Variants in AGBL1 observed in about 807,000 individuals in gnomAD.
AGBL1 encodes the protein AGBL carboxypeptidase 1.
In AGBL1, 130 loss-of-function variants were observed where a neutral mutation model predicts 118.9. The observed-to-expected ratio is 1.09, with a 90% CI of 0.95 to 1.26. The LOEUF (loss-of-function observed/expected upper bound fraction) is 1.26. Among genes scored for constraint, AGBL1 ranks in the 50% most tolerant of loss-of-function variants. The pLI is 0.00. For missense variants in AGBL1, 1,584 were observed against 1,298.1 expected (o/e 1.22, Z -3.38); for synonymous variants, 555 against 478.9 (o/e 1.16, Z -2.08).
chr15:86,438,972 A>G (rs1196736878), intron 18 of AGBL1, among the ~76,000 whole-genome samples: 1 of 151,910 alleles, frequency 6.6e-6, no homozygotes, highest in African/African-American at 2.4e-5. Flanking sequence ...GATAGTCTGT[A>G]TTTTATCTGG....
At position 86,410,841 on chromosome 15, in the gene AGBL1, T is replaced by TATATATATATATATATAA. The variant is rs67883935; in HGVS notation, c.2555+13296_2555+13297insTATATATATATATATAAA. Among the ~76,000 whole-genome samples the TATATATATATATATATAA allele has an allele frequency of 8.5e-4, 55 of 64,496 alleles. 2 individuals are homozygous for TATATATATATATATATAA. Among genetic ancestry groups the TATATATATATATATATAA allele is most frequent in the African/African-American group, 3.5e-3 (53 of 14,996 alleles). 42.3% of individuals were successfully genotyped at this position (64,496 alleles called of 152,430 possible). A position where few individuals can be genotyped will look rare whatever the true frequency, so the allele number is the denominator to read the frequency against. On this transcript the variant is annotated intron_variant, in intron 18 of 22. Coordinates refer to ENST00000614907, the MANE Select transcript of AGBL1 (RefSeq NM_001386094.1). ...ATATATATATATATATATATATATA[T>TATATATATATATATATAA]AATATACTATTTTATATATAAAATA...
intron 5 of AGBL1, among the ~76,000 whole-genome samples, chr15:86,191,232 C>G (rs2141827999): frequency 6.6e-6 from 1 of 151,110 alleles, no homozygotes; most frequent in East Asian, 2.0e-4. Context: ...CCTGTAATCC[C>G]AGCTACTTGG....
At chr15:86,919,724 A>G (rs554112107), downstream of AGBL1, among the ~76,000 whole-genome samples, 226 of 152,318 alleles carry the variant, frequency 1.5e-3, no homozygotes, top group African/African-American at 5.1e-3. Context: ...GAGGAAGATT[A>G]TAAATAGAAG....
chr15:86,551,800 C>T (rs1183463782), intron 20 of AGBL1, among the ~76,000 whole-genome samples: 2 of 152,066 alleles, frequency 1.3e-5, no homozygotes, highest in East Asian at 3.9e-4. Flanking sequence ...TAGTATTATT[C>T]AGTGCTGAAA....
chr15:86,720,032 T>C (rs764321225), intron 22 of AGBL1, among the ~76,000 whole-genome samples: 1 of 152,216 alleles, frequency 6.6e-6, no homozygotes, highest in Non-Finnish European at 1.5e-5. Flanking sequence ...TTCCCAGACC[T>C]TTGCTTATTT....
At chr15:86,980,068 TAAA>T (rs1567270495) in intron 23 of AGBL1, among the ~76,000 whole-genome samples, 1 of 152,184 alleles carries the variant, frequency 6.6e-6, no homozygotes, top group Non-Finnish European at 1.5e-5. Flanking sequence ...AGGAGCTTCT[TAAA>T]AAGAAAAAAC....
intron 17 of AGBL1, among the ~76,000 whole-genome samples, chr15:86,339,279 T>C (rs1293085015): frequency 6.6e-5 from 10 of 151,434 alleles, no homozygotes; most frequent in Non-Finnish European, 1.5e-4. Context: ...CAAGAACTTT[T>C]TTCTTTATTT....
chr15:86,199,947 C>T (rs1043159085), intron 5 of AGBL1, among the ~76,000 whole-genome samples: 1 of 152,198 alleles, frequency 6.6e-6, no homozygotes, highest in Non-Finnish European at 1.5e-5. Context: ...GTGATTCTAA[C>T]ATGCCTGTGA....
At chr15:86,717,694 G>A (rs2086658307) in intron 22 of AGBL1, among the ~76,000 whole-genome samples, 1 of 129,310 alleles carries the variant, frequency 7.7e-6, no homozygotes, top group Admixed American at 7.4e-5. Flanking sequence ...TGGACTTCAG[G>A]GATCTTTGTT....
At chr15:86,320,722 C>CGTGTGT (rs3050863) in intron 17 of AGBL1, among the ~76,000 whole-genome samples, 6,634 of 148,134 alleles carry the variant, frequency 0.045, 263 homozygotes, top group East Asian at 0.21. Flanking sequence ...TGTGTGTGTG[C>CGTGTGT]GTGTGTGTGT....
At chr15:86,206,800 A>G (rs912404375) in intron 5 of AGBL1, among the ~76,000 whole-genome samples, 1 of 152,080 alleles carries the variant, frequency 6.6e-6, no homozygotes, top group Admixed American at 6.6e-5. Flanking sequence ...GCTGTGCAGA[A>G]GCTCTATAGT....
intron 22 of AGBL1, among the ~76,000 whole-genome samples, chr15:86,821,194 GA>G (rs1289080151): frequency 2.6e-5 from 4 of 152,072 alleles, no homozygotes; most frequent in Non-Finnish European, 5.9e-5. Context: ...GGGGTTGGGG[GA>G]GGGGATAGCA....
rs371923647 is a variant in AGBL1, at chr15:86,257,984, G to A, written c.922G>A (p.Asp308Asn). The change falls in exon 9 of 23, where the codon GAT (aspartate) becomes AAT (asparagine). Residue 308 changes from aspartate (D) to asparagine (N), a missense_variant. By Grantham distance (23) the Asp-to-Asn change is conservative. Coordinates refer to ENST00000614907, the MANE Select transcript of AGBL1 (RefSeq NM_001386094.1). ...LPEEDFEDDG[D>N]DEVDKDSDTE... ...TCCAGAGGATTTTGAAGATGATGGC[G>A]ATGATGAAGTGGACAAAGACTCTGA... is the stretch of plus-strand genomic sequence containing the variant. 67 of 1,613,508 alleles carry A rather than the reference G, an allele frequency of 4.2e-5. No homozygotes were observed. The Middle Eastern group carries it at 4.9e-4, about 12-fold the overall frequency.
chr15:86,904,472 A>T (rs1313419485), intron 22 of AGBL1, among the ~76,000 whole-genome samples: 1 of 150,670 alleles, frequency 6.6e-6, no homozygotes, highest in Admixed American at 6.6e-5. Flanking sequence ...TAGAATGCTT[A>T]CATTGCATTT....
intron 22 of AGBL1, among the ~76,000 whole-genome samples, chr15:86,901,600 CCTTT>C: frequency 6.6e-6 from 1 of 151,956 alleles, no homozygotes. Context: ...CCCACATTAC[CCTTT>C]CTTTAAATAA....
chr15:86,670,110 A>G lies in AGBL1; in HGVS notation c.2995-4163A>G, dbSNP rs749823208. Among the ~76,000 whole-genome samples the G allele has an allele frequency of 2.2e-4, 33 of 152,126 alleles. 1 individual carries two copies. The highest frequency in any genetic ancestry group is 6.6e-5 in the Admixed American group (1 of 15,258). On this transcript the variant is annotated intron_variant, in intron 21 of 22. Transcript: ENST00000614907. ...CCTCAAATTTGGATTATTATATATA[A>G]TACTGTCATAATATACATTTTTATG... is the stretch of plus-strand genomic sequence containing the variant.
intron 1 of AGBL1, among the ~76,000 whole-genome samples, chr15:86,117,128 G>C (rs1897814979): frequency 6.6e-6 from 1 of 151,886 alleles, no homozygotes; most frequent in Non-Finnish European, 1.5e-5. Context: ...TTTACATAAA[G>C]AAATCTGGAG....
intron 19 of AGBL1, among the ~76,000 whole-genome samples, chr15:86,541,015 C>T (rs1256794155): frequency 6.6e-6 from 1 of 152,114 alleles, no homozygotes; most frequent in Non-Finnish European, 1.5e-5. Context: ...TGCCTATCAC[C>T]AAGGAGGCAT....
chr15:86,389,772 G>A (rs1038383184), intron 17 of AGBL1, among the ~76,000 whole-genome samples: 13 of 151,832 alleles, frequency 8.6e-5, no homozygotes, highest in African/African-American at 3.1e-4. Flanking sequence ...AAGAATAGAA[G>A]GATGTATAAC....
Sources: allele counts gnomAD v4.1 joint callset (sites outside exome capture counted in the v4.1 genomes callset), GRCh38; gene constraint gnomAD v4.1.1; transcripts MANE v1.5; gene names NCBI Gene and HGNC (gene_info 2026-07-23, HGNC 2026-07-21).